Variants in HS2ST1 observed in about 807,000 individuals in gnomAD.
HS2ST1 encodes 2-O-sulfotransferase.
In HS2ST1, 18 loss-of-function variants were observed where a neutral mutation model predicts 42.9. That is an observed-to-expected ratio of 0.42 (90% CI 0.29 to 0.62). The LOEUF (loss-of-function observed/expected upper bound fraction) is 0.62, where lower values mean the gene tolerates loss of function less well. Ranked by LOEUF, HS2ST1 falls within the 20% of genes least tolerant of loss-of-function variation. The probability of loss-of-function intolerance (pLI) is 0.21; values close to 1 mark genes in which losing one functional copy is unlikely to be tolerated. For synonymous variants in HS2ST1, 146 were observed against 152.9 expected, an observed-to-expected ratio of 0.95 and a Z score of 0.33; for missense variants, 334 against 433.8, an observed-to-expected ratio of 0.77 and a Z score of 2.04.
intron 1 of HS2ST1, among the ~76,000 whole-genome samples, chr1:87,041,237 AAAAC>A (rs766589175): frequency 0.033 from 3,287 of 98,864 alleles, 399 homozygotes; most frequent in African/African-American, 0.067. Context: ...AAAAAAAAAA[AAAAC>A]AAAAAAAAAA....
At chr1:87,097,783 T>C in intron 4 of HS2ST1, 55 bp from the exon 5 acceptor site, 1 of 1,601,918 alleles carries the variant, frequency 6.2e-7, no homozygotes, top group Non-Finnish European at 8.5e-7. Flanking sequence ...ATTAGATATT[T>C]GATAGGTGAG....
rs1223463484 is a variant in HS2ST1 at position 87,106,910 on chromosome 1, CAGG to C, written c.*2218_*2220del. 6.6e-6 allele frequency: 1 copy of C among 152,026 alleles called. No individual in the cohort carries two copies. The highest frequency in any genetic ancestry group is 1.5e-5 in the Non-Finnish European group (1 of 67,942). 9.4% of individuals were successfully genotyped at this position (152,026 alleles called of 1,614,324 possible). ...TAGAGCAGTACTTGGTGAACTAGAT[CAGG>C]AGGTCAGTAAACTTTCTGTGGAAGG... On this transcript the variant is annotated 3_prime_UTR_variant, in exon 7 of 7. Coordinates refer to ENST00000370550, the MANE Select transcript of HS2ST1 (RefSeq NM_012262.4).
intron 1 of HS2ST1, among the ~76,000 whole-genome samples, chr1:86,992,749 A>G (rs1570470071): frequency 6.6e-6 from 1 of 152,182 alleles, no homozygotes; most frequent in Non-Finnish European, 1.5e-5. Flanking sequence ...GGGGCCCTTT[A>G]CAAGACAGAT....
chr1:86,967,461 C>T (rs1382881313), intron 1 of HS2ST1, among the ~76,000 whole-genome samples: 2 of 152,076 alleles, frequency 1.3e-5, no homozygotes, highest in Non-Finnish European at 2.9e-5. Flanking sequence ...CCTTCTCCCC[C>T]TACTGAGTCT....
intron 1 of HS2ST1, chr1:86,993,272 A>AG (rs1284855343): frequency 1.6e-5 from 16 of 992,834 alleles, no homozygotes; most frequent in East Asian, 1.5e-4. Flanking sequence ...AGGATTTGGC[A>AG]GGGGGGTACC....
Position 86,938,958 on chromosome 1 carries a change from A to G in HS2ST1, c.124+23798A>G, listed in dbSNP as rs553663069. On this transcript the variant is annotated intron_variant, in intron 1 of 6. Coordinates refer to ENST00000370550, the MANE Select transcript of HS2ST1 (RefSeq NM_012262.4). ...GGACAGACTAGATTTGGTTTTCTAT[A>G]TGGTCTTTCATTCTGAATACTAATT... Among the ~76,000 whole-genome samples, 139 of 152,306 alleles carry G rather than the reference A, an allele frequency of 9.1e-4. 2 individuals carry two copies. Among genetic ancestry groups the G allele is most frequent in the Non-Finnish European group, 1.0e-3 (68 of 68,010 alleles).
chr1:87,102,971 TTATC>T (rs1652252183), intron 5 of HS2ST1, among the ~76,000 whole-genome samples: 1 of 152,200 alleles, frequency 6.6e-6, no homozygotes, highest in Non-Finnish European at 1.5e-5. Context: ...AGCAGAGCCA[TTATC>T]TATTTTCTGT....
intron 1 of HS2ST1, among the ~76,000 whole-genome samples, chr1:86,928,007 T>C (rs1476350200): frequency 6.6e-6 from 1 of 152,120 alleles, no homozygotes; most frequent in East Asian, 1.9e-4. Flanking sequence ...AAAATAATGC[T>C]TTATTACAGT....
chr1:86,920,977 AGTAT>A (rs1372994963), intron 1 of HS2ST1, among the ~76,000 whole-genome samples: 1 of 152,284 alleles, frequency 6.6e-6, no homozygotes, highest in African/African-American at 2.4e-5. Flanking sequence ...CAAAAAAAAA[AGTAT>A]GTGAGGTAAT....
intron 1 of HS2ST1, among the ~76,000 whole-genome samples, chr1:87,068,079 G>A (rs1441841091): frequency 6.6e-6 from 1 of 152,112 alleles, no homozygotes; most frequent in Non-Finnish European, 1.5e-5. Flanking sequence ...GAAATTTAAG[G>A]TAGTTTTTTC....
At chr1:87,039,291 A>C (rs1650462950) in intron 1 of HS2ST1, among the ~76,000 whole-genome samples, 1 of 152,218 alleles carries the variant, frequency 6.6e-6, no homozygotes, top group African/African-American at 2.4e-5. Context: ...CTACCTCAGC[A>C]ATATTACCAA....
intron 1 of HS2ST1, among the ~76,000 whole-genome samples, chr1:87,015,387 G>C (rs1431698688): frequency 7.0e-6 from 1 of 143,306 alleles, no homozygotes; most frequent in Non-Finnish European, 1.5e-5. Flanking sequence ...TCGTTCCGTG[G>C]CCCAGGCTGG....
intron 1 of HS2ST1, among the ~76,000 whole-genome samples, chr1:87,066,521 G>A (rs578198474): frequency 1.3e-5 from 2 of 152,118 alleles, no homozygotes; most frequent in East Asian, 3.9e-4. Flanking sequence ...CATCAAATCT[G>A]TATATAACTT....
intron 1 of HS2ST1, among the ~76,000 whole-genome samples, chr1:87,017,907 C>T (rs372757343): frequency 6.6e-6 from 1 of 151,730 alleles, no homozygotes; most frequent in South Asian, 2.1e-4. Context: ...ATCTATCCCC[C>T]ACAAAAGTGT....
chr1:87,046,290 AC>A, intron 1 of HS2ST1: 1 of 730,696 alleles, frequency 1.4e-6, no homozygotes, highest in Non-Finnish European at 2.6e-6. Context: ...AACCCAGAGA[AC>A]CTCTCCTGAC....
intron 1 of HS2ST1, among the ~76,000 whole-genome samples, chr1:87,064,819 C>T (rs1651206060): frequency 1.3e-5 from 2 of 152,100 alleles, no homozygotes. Context: ...CACCACCACA[C>T]TCAGCTAATT....
chr1:87,012,027 ATAAT>A (rs1369837276), intron 1 of HS2ST1, among the ~76,000 whole-genome samples: 3 of 152,220 alleles, frequency 2.0e-5, no homozygotes, highest in African/African-American at 7.2e-5. Context: ...GCATTGATTC[ATAAT>A]TAATTGATTC....
intron 1 of HS2ST1, among the ~76,000 whole-genome samples, chr1:87,054,289 T>C (rs1650905712): frequency 6.6e-6 from 1 of 152,166 alleles, no homozygotes; most frequent in South Asian, 2.1e-4. Context: ...CTTCTAGAGA[T>C]ATCTCATGTG....
chr1:86,947,004 A>G (rs1352097942), intron 1 of HS2ST1, among the ~76,000 whole-genome samples: 6 of 152,228 alleles, frequency 3.9e-5, no homozygotes, highest in African/African-American at 1.2e-4. Context: ...ATTATGGATA[A>G]CTGAAGGTAA....
Sources: gnomAD v4.1 joint callset for allele counts (sites outside exome capture counted in the v4.1 genomes callset) on GRCh38, gnomAD v4.1.1 for gene constraint, MANE v1.5 for transcripts, NCBI Gene and HGNC (gene_info 2026-07-23, HGNC 2026-07-21) for gene names.